CNTNAP5: variants seen among roughly 807,000 people sequenced by gnomAD.
The protein encoded by CNTNAP5 is contactin associated protein family member 5.
Under a neutral mutation model 150.2 loss-of-function variants are expected in CNTNAP5, and 72 were observed. The observed-to-expected ratio is 0.48, with a 90% CI of 0.40 to 0.58. The LOEUF is 0.58. CNTNAP5 is among the 20% of genes least tolerant of loss of function. The probability of loss-of-function intolerance (pLI) is 0.00; values close to 1 mark genes in which losing one functional copy is unlikely to be tolerated. For synonymous variants in CNTNAP5, 672 were observed against 619.8 expected, an observed-to-expected ratio of 1.08 and a Z score of -1.25; for missense variants, 1,636 against 1,626.2, an observed-to-expected ratio of 1.01 and a Z score of -0.10.
At chr2:124,425,159 C>A in intron 4 of CNTNAP5, among the ~76,000 whole-genome samples, 1 of 152,154 alleles carries the variant, frequency 6.6e-6, no homozygotes, top group East Asian at 1.9e-4. Context: ...GACCGTGACT[C>A]CCCTCTGCCT....
rs534208297 is a variant in CNTNAP5, at chr2:124,638,096, G to A, written c.1877-9662G>A. Among the ~76,000 whole-genome samples, 29 of 151,632 alleles carry A rather than the reference G, an allele frequency of 1.9e-4. No homozygotes were observed. The East Asian group carries it at 4.6e-3, about 24-fold the overall frequency. On this transcript the variant is annotated intron_variant, in intron 12 of 23. Coordinates refer to ENST00000682447, the MANE Select transcript of CNTNAP5 (RefSeq NM_001367498.1). ...TGTGTGCGTGTATGTGTGTGTGTGTGTTTATGAGTTCATAAGGTTATTTAC... is the reference window on the plus strand; with the variant it reads ...TGTGTGCGTGTATGTGTGTGTGTGTATTTATGAGTTCATAAGGTTATTTAC...
intron 19 of CNTNAP5, among the ~76,000 whole-genome samples, chr2:124,809,048 C>T (rs1417154884): frequency 6.6e-6 from 1 of 151,598 alleles, no homozygotes; most frequent in Non-Finnish European, 1.5e-5. Flanking sequence ...CCATGAAAAA[C>T]ATGTGTGATA....
chr2:124,337,227 T>C (rs1689495261), intron 3 of CNTNAP5, among the ~76,000 whole-genome samples: 3 of 152,290 alleles, frequency 2.0e-5, no homozygotes, highest in East Asian at 3.9e-4. Flanking sequence ...TTGTTTGTTT[T>C]TTCCTTGTAA....
At chr2:124,691,011 A>C (rs1358824397) in intron 13 of CNTNAP5, among the ~76,000 whole-genome samples, 1 of 152,144 alleles carries the variant, frequency 6.6e-6, no homozygotes, top group African/African-American at 2.4e-5. Context: ...CACAATACAG[A>C]AGCCTTCAGC....
chr2:124,227,178 G>A (rs961470740), intron 2 of CNTNAP5, among the ~76,000 whole-genome samples: 3 of 152,084 alleles, frequency 2.0e-5, no homozygotes, highest in African/African-American at 7.2e-5. Flanking sequence ...TCTCCACTCT[G>A]CCTTGTTCAA....
intron 1 of CNTNAP5, among the ~76,000 whole-genome samples, chr2:124,183,146 A>T (rs1466650478): frequency 1.3e-5 from 2 of 152,222 alleles, no homozygotes; most frequent in Non-Finnish European, 2.9e-5. Flanking sequence ...CTCTATGGAC[A>T]TTAATTGCTA....
Position 124,713,341 on chromosome 2 carries a change from T to C in CNTNAP5, c.2078-33888T>C, listed in dbSNP as rs201198955. Among the ~76,000 whole-genome samples the C allele has an allele frequency of 5.0e-3, 560 of 112,340 alleles. 33 individuals carry two copies. The highest frequency in any genetic ancestry group is 0.024 in the East Asian group (71 of 2,962). 73.7% of individuals were successfully genotyped at this position (112,340 alleles called of 152,430 possible). Reference sequence around the variant, plus strand: ...TTCCTTTCTTTCTTTCTTTCTTTCTTTCTTTCTTTCTTTCTTTCTTTCTTT... The same window carrying C: ...TTCCTTTCTTTCTTTCTTTCTTTCTCTCTTTCTTTCTTTCTTTCTTTCTTT... On this transcript the variant is annotated intron_variant, in intron 13 of 23. Coordinates refer to ENST00000682447, the MANE Select transcript of CNTNAP5 (RefSeq NM_001367498.1).
At chr2:124,270,772 T>A (rs1038111645) in intron 3 of CNTNAP5, among the ~76,000 whole-genome samples, 1 of 151,958 alleles carries the variant, frequency 6.6e-6, no homozygotes, top group Non-Finnish European at 1.5e-5. Context: ...AAAAAAGTCA[T>A]GTCAAATAAT....
At chr2:124,632,931 C>T (rs1006037718) in intron 12 of CNTNAP5, among the ~76,000 whole-genome samples, 1 of 151,978 alleles carries the variant, frequency 6.6e-6, no homozygotes, top group African/African-American at 2.4e-5. Context: ...AAGTGCTATA[C>T]ACTTTTAAAC....
intron 12 of CNTNAP5, among the ~76,000 whole-genome samples, chr2:124,643,216 A>G (rs1678130912): frequency 6.6e-6 from 1 of 152,212 alleles, no homozygotes; most frequent in Admixed American, 6.5e-5. Context: ...TCCTCTCCTA[A>G]GTAAAAGAAT....
intron 1 of CNTNAP5, among the ~76,000 whole-genome samples, chr2:124,207,370 A>G (rs1251712984): frequency 6.6e-6 from 1 of 152,226 alleles, no homozygotes; most frequent in Non-Finnish European, 1.5e-5. Flanking sequence ...TCAAAGCTAA[A>G]CTTAACCTTG....
At chr2:124,358,763 C>G (rs1185695221) in intron 3 of CNTNAP5, among the ~76,000 whole-genome samples, 3 of 151,908 alleles carry the variant, frequency 2.0e-5, no homozygotes, top group Admixed American at 1.3e-4. Context: ...GTCTAAAATT[C>G]TCTTTTTTGG....
At chr2:124,250,241 G>A (rs1687138758) in intron 3 of CNTNAP5, among the ~76,000 whole-genome samples, 1 of 152,160 alleles carries the variant, frequency 6.6e-6, no homozygotes, top group Non-Finnish European at 1.5e-5. Context: ...AAAGCATTCA[G>A]TAGACCTAGG....
At chr2:124,542,118 A>C (rs1440039727) in intron 10 of CNTNAP5, among the ~76,000 whole-genome samples, 1 of 151,798 alleles carries the variant, frequency 6.6e-6, no homozygotes, top group South Asian at 2.1e-4. Context: ...CTGTATGTGC[A>C]TTTCACATGA....
intron 3 of CNTNAP5, among the ~76,000 whole-genome samples, chr2:124,348,247 T>C (rs945543566): frequency 6.6e-6 from 1 of 152,208 alleles, no homozygotes; most frequent in Non-Finnish European, 1.5e-5. Context: ...TCATTGCTAA[T>C]ACATATAAGA....
intron 3 of CNTNAP5, among the ~76,000 whole-genome samples, chr2:124,385,485 C>A (rs1486089279): frequency 1.3e-5 from 2 of 152,192 alleles, no homozygotes; most frequent in Non-Finnish European, 2.9e-5. Context: ...GTAGTTTAAT[C>A]TGCAATTAAT....
rs1695935792 is a variant in CNTNAP5 at position 124,563,277 on chromosome 2, T to C, written c.1710T>C (p.Tyr570=). 2 of 1,585,010 alleles carry C rather than the reference T, an allele frequency of 1.3e-6. No individual in the cohort carries two copies. Among genetic ancestry groups the C allele is most frequent in the Non-Finnish European group, 1.7e-6 (2 of 1,164,682 alleles). ...GCTCCCAGTCCTGGACTACCTTCTA[T>C]TGTAACTGCAGTGACACAAGTTACA... ...GSCSQSWTTF[Y]CNCSDTSYTG... The change falls in exon 11 of 24, where the codon TAT becomes TAC. Residue 570 remains tyrosine (Y), a synonymous_variant. Coordinates refer to ENST00000682447, the MANE Select transcript of CNTNAP5 (RefSeq NM_001367498.1).
At chr2:124,815,276 T>C (rs2104662631) in intron 19 of CNTNAP5, among the ~76,000 whole-genome samples, 1 of 152,342 alleles carries the variant, frequency 6.6e-6, no homozygotes, top group East Asian at 1.9e-4. Context: ...AGCTGAAATA[T>C]TTTTTGATAA....
chr2:124,529,193 G>T (rs1014917125), intron 10 of CNTNAP5, among the ~76,000 whole-genome samples: 2 of 152,018 alleles, frequency 1.3e-5, no homozygotes, highest in African/African-American at 2.4e-5. Context: ...TAGACCAATA[G>T]TCTTTAGTAA....
Sources: allele counts gnomAD v4.1 joint callset (sites outside exome capture counted in the v4.1 genomes callset), GRCh38; gene constraint gnomAD v4.1.1; transcripts MANE v1.5; gene names NCBI Gene and HGNC (gene_info 2026-07-23, HGNC 2026-07-21).